Variants in ABL1 observed in about 807,000 individuals in gnomAD.
The protein encoded by ABL1 is tyrosine-protein kinase ABL1.
Under a neutral mutation model 94.7 loss-of-function variants are expected in ABL1, and 11 were observed. The ratio of observed to expected loss-of-function variants is 0.12; its 90% CI spans 0.07 to 0.19. ABL1 has a LOEUF of 0.19. ABL1 is among the 10% of genes least tolerant of loss of function. The pLI, the probability that ABL1 is intolerant of heterozygous loss-of-function variation, is 1.00. For synonymous variants in ABL1, 656 were observed against 622.4 expected (o/e 1.05, Z -0.80); for missense variants, 1,082 against 1,489.4 (o/e 0.73, Z 4.50).
intron 1 of ABL1, among the ~76,000 whole-genome samples, chr9:130,836,244 C>T (rs1294242507): frequency 6.6e-6 from 1 of 152,238 alleles, no homozygotes; most frequent in African/African-American, 2.4e-5. Flanking sequence ...AAGTGAAGCT[C>T]AGGGCCAGGA....
intron 1 of ABL1, among the ~76,000 whole-genome samples, chr9:130,760,415 A>G (rs1457441637): frequency 2.6e-5 from 4 of 152,122 alleles, no homozygotes; most frequent in Non-Finnish European, 5.9e-5. Context: ...TTGTTCCTGG[A>G]TTTCTTTCAG....
chr9:130,814,471 G>A lies in ABL1; in HGVS notation c.137-39593G>A, dbSNP rs1490522228. Among the ~76,000 whole-genome samples, 1 of 152,202 alleles carries A rather than the reference G, an allele frequency of 6.6e-6. No individual in the cohort carries two copies. The highest frequency in any genetic ancestry group is 1.5e-5 in the Non-Finnish European group (1 of 68,040). On this transcript the variant is annotated intron_variant, in intron 1 of 10. Coordinates refer to the ABL1 transcript ENST00000372348. This position sits in a 1 kb window ranked among gnomAD's most constrained non-coding sequence, Gnocchi z 4.4. Reference sequence around the variant, plus strand: ...AATAACTGTAATATCAGCAGTGAAAGAGATGACATCACACAGATTCTAAAG... The same window carrying A: ...AATAACTGTAATATCAGCAGTGAAAAAGATGACATCACACAGATTCTAAAG...
chr9:130,726,840 C>A (rs766849816), intron 1 of ABL1, among the ~76,000 whole-genome samples: 2 of 152,152 alleles, frequency 1.3e-5, no homozygotes, highest in Admixed American at 1.3e-4. Context: ...GATTCCAAAC[C>A]CTTCTTGTCC....
intron 1 of ABL1, among the ~76,000 whole-genome samples, chr9:130,788,095 G>T (rs1323451670): frequency 6.6e-6 from 1 of 152,106 alleles, no homozygotes; most frequent in South Asian, 2.1e-4. Context: ...TAAAATTTAG[G>T]TTCCTCACAG....
chr9:130,776,794 G>C (rs1006427420), intron 1 of ABL1, among the ~76,000 whole-genome samples: 8 of 152,028 alleles, frequency 5.3e-5, no homozygotes, highest in Non-Finnish European at 1.2e-4. Context: ...TTCTTCCTAT[G>C]TTGCCCAGCC....
chr9:130,791,982 A>G (rs1349633639), intron 1 of ABL1, among the ~76,000 whole-genome samples: 1 of 152,242 alleles, frequency 6.6e-6, no homozygotes, highest in Non-Finnish European at 1.5e-5. Flanking sequence ...AATGACACCA[A>G]GAAGGAAGGT....
In ABL1 at chr9:130,796,766, T is replaced by TAA. The variant is rs11397002; in HGVS notation, c.137-57289_137-57288dup. On this transcript the variant is annotated intron_variant, in intron 1 of 10. Coordinates refer to the ABL1 transcript ENST00000372348. ...AACAATGTCTTTCTCTGCCTTTTGT[T>TAA]AAAAAAAAAACAAAAAAACTTTTTT... is the stretch of plus-strand genomic sequence containing the variant. 1.5e-3 allele frequency among the ~76,000 whole-genome samples: 225 copies of TAA among 146,840 alleles called. 1 individual carries two copies. The highest frequency in any genetic ancestry group is 4.9e-3 in the African/African-American group (198 of 40,168).
At chr9:130,861,290 C>T (rs1000316880) in intron 3 of ABL1, among the ~76,000 whole-genome samples, 2 of 152,278 alleles carry the variant, frequency 1.3e-5, no homozygotes, top group South Asian at 4.2e-4. Context: ...ATTGTAACCC[C>T]AAAATGTGTG....
At chr9:130,778,897 A>G (rs1223337094) in intron 1 of ABL1, among the ~76,000 whole-genome samples, 1 of 151,956 alleles carries the variant, frequency 6.6e-6, no homozygotes, top group Admixed American at 6.6e-5. Context: ...ATTCAACCAA[A>G]TATACTTTAA....
chr9:130,882,566 C>T (rs1831477220), intron 10 of ABL1, among the ~76,000 whole-genome samples: 1 of 151,958 alleles, frequency 6.6e-6, no homozygotes, highest in Non-Finnish European at 1.5e-5. Flanking sequence ...GATGGAGTCT[C>T]ACTCTGTTGC....
chr9:130,839,223 A>G (rs1830633453), intron 1 of ABL1, among the ~76,000 whole-genome samples: 1 of 152,030 alleles, frequency 6.6e-6, no homozygotes, highest in South Asian at 2.1e-4. Flanking sequence ...CACTGCACTC[A>G]GCCTGAACTT....
At chr9:130,842,874 A>C (rs1830697380) in intron 1 of ABL1, among the ~76,000 whole-genome samples, 1 of 152,212 alleles carries the variant, frequency 6.6e-6, no homozygotes. Context: ...GTGTCCGGCG[A>C]GCTCACTGTG....
intron 1 of ABL1, among the ~76,000 whole-genome samples, chr9:130,787,144 G>A (rs1022057901): frequency 4.6e-5 from 7 of 151,998 alleles, no homozygotes; most frequent in Non-Finnish European, 1.0e-4. Flanking sequence ...CCTTTTACTC[G>A]TAGCCTGCCC....
Position 130,862,819 on chromosome 9 carries a change from T to C in ABL1, c.606T>C (p.His202=), listed in dbSNP as rs773957143. ...CCCTGGCCGAGTTGGTTCATCATCA[T>C]TCAACGGTGGCCGACGGGCTCATCA... The part of the protein sequence containing the change: ...FNTLAELVHH[H]STVADGLITT... Residue 202 remains histidine (H), a synonymous_variant, in exon 4 of 11, where the codon CAT becomes CAC. Transcript: ENST00000318560. This position sits in a 1 kb window ranked among gnomAD's most constrained non-coding sequence, Gnocchi z 5.5. The C allele has an allele frequency of 2.5e-6, 4 of 1,613,990 alleles. No homozygotes were observed. The Admixed American group carries it at 6.7e-5, about 27-fold the overall frequency.
At chr9:130,839,065 T>C (rs1490891234) in intron 1 of ABL1, among the ~76,000 whole-genome samples, 1 of 151,928 alleles carries the variant, frequency 6.6e-6, no homozygotes, top group Non-Finnish European at 1.5e-5. Flanking sequence ...ATATGCTACC[T>C]GACTAATTAA....
At chr9:130,747,181 CCTGGGCAACATG>C (rs979923611) in intron 1 of ABL1, among the ~76,000 whole-genome samples, 1 of 152,062 alleles carries the variant, frequency 6.6e-6, no homozygotes. Flanking sequence ...TTGAGACCAG[CCTGGGCAACATG>C]GTGAAACCTT....
intron 1 of ABL1, among the ~76,000 whole-genome samples, chr9:130,760,943 C>CTTTT (rs35842480): frequency 5.9e-4 from 50 of 85,240 alleles, no homozygotes; most frequent in African/African-American, 6.9e-4. Context: ...CCCGCCCCTG[C>CTTTT]TTTTTTTTTT....
chr9:130,755,583 C>T (rs1832032276), intron 1 of ABL1, among the ~76,000 whole-genome samples: 1 of 152,162 alleles, frequency 6.6e-6, no homozygotes, highest in Non-Finnish European at 1.5e-5. Flanking sequence ...GACGTATTTC[C>T]TTTGAGTTCA....
intron 1 of ABL1, among the ~76,000 whole-genome samples, chr9:130,817,082 T>C (rs1830297300): frequency 6.6e-6 from 1 of 152,228 alleles, no homozygotes; most frequent in Admixed American, 6.5e-5. Context: ...AGAATTTTGC[T>C]TATTACAGAA....
Sources: allele counts gnomAD v4.1 joint callset (sites outside exome capture counted in the v4.1 genomes callset), GRCh38; gene constraint gnomAD v4.1.1; non-coding constraint Gnocchi (gnomAD v3.1); transcripts MANE v1.5; gene names NCBI Gene and HGNC (gene_info 2026-07-23, HGNC 2026-07-21).